Variants in SLC7A10 observed in about 807,000 individuals in gnomAD.
The protein encoded by SLC7A10 is solute carrier family 7 member 10.
Under a neutral mutation model 52.7 loss-of-function variants are expected in SLC7A10, and 30 were observed. That is an observed-to-expected ratio of 0.57 (90% confidence interval 0.43 to 0.77). The LOEUF is 0.77. SLC7A10 is among the 30% of genes least tolerant of loss of function. The probability of loss-of-function intolerance (pLI) is 0.00; values close to 1 mark genes in which losing one functional copy is unlikely to be tolerated. For synonymous variants in SLC7A10, 318 were observed against 314.9 expected, an observed-to-expected ratio of 1.01 and a Z score of -0.10; for missense variants, 581 against 698.5, an observed-to-expected ratio of 0.83 and a Z score of 1.90.
At position 33,211,325 on chromosome 19, in the gene SLC7A10, AGGTCT is replaced by A. The variant is rs1296796950; in HGVS notation, c.913-2_915del. ...AAGTAGCCCAGCAGCTTCTCCCCGAAGGTCTGGGTGGGCACAGTAGAGAGGCCATG... is the reference window on the plus strand; with the variant it reads ...AAGTAGCCCAGCAGCTTCTCCCCGAAGGGTGGGCACAGTAGAGAGGCCATG... On this transcript the variant is annotated splice_acceptor_variant and coding_sequence_variant, in exon 7 of 11. Coordinates refer to ENST00000253188, the MANE Select transcript of SLC7A10 (RefSeq NM_019849.3). LOFTEE classifies it high-confidence loss of function. 1.2e-6 allele frequency: 2 copies of A among 1,614,008 alleles called. No individual in the cohort carries two copies. Among genetic ancestry groups the A allele is most frequent in the South Asian group, 2.2e-5 (2 of 91,072 alleles).
In SLC7A10 at chr19:33,210,271, A is replaced by G. The variant is rs1007634470; in HGVS notation, c.1263+196T>C. Among the ~76,000 whole-genome samples the G allele has an allele frequency of 9.2e-5, 14 of 152,036 alleles. No homozygotes were observed. Among genetic ancestry groups the G allele is most frequent in the African/African-American group, 3.1e-4 (13 of 41,404 alleles). On this transcript the variant is annotated intron_variant, in intron 9 of 10. Transcript: ENST00000253188. This position sits in a 1 kb window ranked among gnomAD's most constrained non-coding sequence, Gnocchi z 5.6. ...TGAGCCTCATTTTCGCCATCTGTAC[A>G]CTGGGAGCATTCAAAGCTCTGTCCT...
chr19:33,225,334 C>T (rs1262847027), intron 1 of SLC7A10, among the ~76,000 whole-genome samples: 1 of 152,226 alleles, frequency 6.6e-6, no homozygotes, highest in East Asian at 1.9e-4. Flanking sequence ...ACCCAAAACT[C>T]CCCCAGGTGC....
At chr19:33,225,182 A>AGCCCC (rs1379317448) in intron 1 of SLC7A10, among the ~76,000 whole-genome samples, 3 of 152,226 alleles carry the variant, frequency 2.0e-5, no homozygotes, top group African/African-American at 4.8e-5. Context: ...CAGCCTGACC[A>AGCCCC]GCCCCTACAC....
In SLC7A10 at chr19:33,210,668, C is replaced by T. The variant is rs1467341753; in HGVS notation, c.1114-52G>A. 1.2e-6 allele frequency: 2 copies of T among 1,609,768 alleles called. No homozygotes were observed. Among genetic ancestry groups the T allele is most frequent in the Non-Finnish European group, 8.5e-7 (1 of 1,179,566 alleles). ...TGGCCCCTAGCCTGCCTCCTGACGCCCCTGCAGGATGAGCCCTGGCCCCAC... is the reference window on the plus strand; with the variant it reads ...TGGCCCCTAGCCTGCCTCCTGACGCTCCTGCAGGATGAGCCCTGGCCCCAC... On this transcript the variant is annotated intron_variant, in intron 8 of 10. Transcript: ENST00000253188. This position sits in a 1 kb window ranked among gnomAD's most constrained non-coding sequence, Gnocchi z 5.6.
intron 3 of SLC7A10, 92 bp downstream of exon 3, chr19:33,212,759 G>C: frequency 2.5e-6 from 4 of 1,605,810 alleles, no homozygotes; most frequent in Non-Finnish European, 3.4e-6. Flanking sequence ...TTTTCTGAAG[G>C]GAAATTTCAC....
chr19:33,214,162 G>T (rs1288596977), intron 2 of SLC7A10, among the ~76,000 whole-genome samples: 2 of 152,090 alleles, frequency 1.3e-5, no homozygotes, highest in Non-Finnish European at 2.9e-5. Context: ...TGATTATTCT[G>T]CTTTCTTGGG....
Position 33,212,525 on chromosome 19 carries a change from T to G in SLC7A10, c.623A>C (p.Gln208Pro). Residue 208 changes from glutamine (Q) to proline (P), a missense_variant, in exon 4 of 11, where the codon CAG (glutamine) becomes CCG (proline). Gln to Pro is a moderately conservative substitution (Grantham distance 76, BLOSUM62 -1). Coordinates refer to ENST00000253188, the MANE Select transcript of SLC7A10 (RefSeq NM_019849.3). The part of the protein sequence containing the change: ...LSLIIGVGLL[Q>P]IFQGHFEELR... ...CGACTCGGCCCTACCTTGGAAGATC[T>G]GGAGAAGGCCCACGCCGATGATGAG... The G allele has an allele frequency of 6.2e-7, 1 of 1,613,972 alleles. No homozygotes were observed. The highest frequency in any genetic ancestry group is 8.5e-7 in the Non-Finnish European group (1 of 1,180,020).
At chr19:33,213,580 G>A (rs1974607091) in intron 2 of SLC7A10, among the ~76,000 whole-genome samples, 1 of 152,176 alleles carries the variant, frequency 6.6e-6, no homozygotes, top group Non-Finnish European at 1.5e-5. Context: ...GAGCCACTGC[G>A]CCCAGTCACC....
At chr19:33,222,970 G>T (rs750259377) in intron 1 of SLC7A10, among the ~76,000 whole-genome samples, 2 of 152,174 alleles carry the variant, frequency 1.3e-5, no homozygotes, top group African/African-American at 2.4e-5. Flanking sequence ...GGAAGTTTTG[G>T]AAATAACATG....
rs1568397187 is a variant in SLC7A10, at chr19:33,223,963, A to ACCACCG, written c.151+1589_151+1590insCGGTGG. On this transcript the variant is annotated intron_variant, in intron 1 of 10. Coordinates refer to ENST00000253188, the MANE Select transcript of SLC7A10 (RefSeq NM_019849.3). The stretch of plus-strand genomic sequence containing the variant: ...TACCATCACCACCACCACCACCACC[A>ACCACCG]CCACCACCACCACCACCACCACCAC... 9.3e-4 allele frequency among the ~76,000 whole-genome samples: 139 copies of ACCACCG among 148,884 alleles called. 2 individuals carry two copies. The highest frequency in any genetic ancestry group is 6.9e-3 in the Middle Eastern group (2 of 290).
intron 1 of SLC7A10, among the ~76,000 whole-genome samples, chr19:33,216,312 A>G (rs1163840162): frequency 1.3e-5 from 2 of 152,126 alleles, no homozygotes; most frequent in East Asian, 3.9e-4. Flanking sequence ...AGGCTGAACC[A>G]CCTGAGCGAC....
intron 1 of SLC7A10, among the ~76,000 whole-genome samples, chr19:33,216,403 A>G (rs1204583037): frequency 6.6e-6 from 1 of 152,150 alleles, no homozygotes; most frequent in Non-Finnish European, 1.5e-5. Flanking sequence ...GCATATCAGC[A>G]TGCAGCCACT....
chr19:33,222,428 A>T (rs62126574), intron 1 of SLC7A10, among the ~76,000 whole-genome samples: 6 of 40,590 alleles, frequency 1.5e-4, no homozygotes, highest in Non-Finnish European at 3.3e-4. Flanking sequence ...TAAAATATAA[A>T]ATAAAATAAA....
intron 2 of SLC7A10, among the ~76,000 whole-genome samples, chr19:33,214,279 G>T (rs1045712673): frequency 1.3e-5 from 2 of 152,022 alleles, no homozygotes; most frequent in African/African-American, 4.8e-5. Flanking sequence ...CCCAGTTAAG[G>T]GTCCCCGGCC....
In SLC7A10 at chr19:33,211,532, A is replaced by G. The variant is rs1376997094; in HGVS notation, c.794T>C (p.Leu265Pro). The change falls in exon 6 of 11, where the codon CTA becomes CCA. Residue 265 changes from leucine (L) to proline (P), a missense_variant. Coordinates refer to ENST00000253188, the MANE Select transcript of SLC7A10 (RefSeq NM_019849.3). The stretch of plus-strand genomic sequence containing the variant: ...GATGGAGATGAAGATGGCGCGAGGT[A>G]GGTTCCTGGTGACAGGCAGTGGAGT... ...TEEMVDARKN[L>P]PRAIFISIPL... 1.9e-6 allele frequency: 3 copies of G among 1,614,024 alleles called. No individual in the cohort carries two copies. Among genetic ancestry groups the G allele is most frequent in the Admixed American group, 1.7e-5 (1 of 60,026 alleles).
At chr19:33,215,267 CAAAAAAA>C (rs56214783) in intron 2 of SLC7A10, among the ~76,000 whole-genome samples, 10 of 115,604 alleles carry the variant, frequency 8.7e-5, no homozygotes, top group Non-Finnish European at 1.0e-4. Context: ...GACTCTGTCT[CAAAAAAA>C]AAAAAAAAAA....
At chr19:33,212,113 G>A (rs1185098906) in intron 5 of SLC7A10, 179 bp downstream of exon 5, 1 of 835,368 alleles carries the variant, frequency 1.2e-6, no homozygotes, top group Non-Finnish European at 1.9e-6. Flanking sequence ...GAGAGAACAG[G>A]GCCAGGCTAG....
chr19:33,225,185 C>A (rs1334374498), intron 1 of SLC7A10, among the ~76,000 whole-genome samples: 1 of 152,206 alleles, frequency 6.6e-6, no homozygotes, highest in Non-Finnish European at 1.5e-5. Context: ...CCTGACCAGC[C>A]CCTACACTGG....
chr19:33,214,749 A>T (rs1799069684), intron 2 of SLC7A10, among the ~76,000 whole-genome samples: 1 of 152,174 alleles, frequency 6.6e-6, no homozygotes. Context: ...TAGATGGCGC[A>T]CACCGTTCTC....
Sources: allele counts gnomAD v4.1 joint callset (sites outside exome capture counted in the v4.1 genomes callset), GRCh38; gene constraint gnomAD v4.1.1; non-coding constraint Gnocchi (gnomAD v3.1); transcripts MANE v1.5; gene names NCBI Gene and HGNC (gene_info 2026-07-23, HGNC 2026-07-21).